AZIN2: variants seen among roughly 807,000 people sequenced by gnomAD.
The protein encoded by AZIN2 is antizyme inhibitor 2, also known as ODC antizyme inhibitor-2.
In AZIN2, 28 loss-of-function variants were observed where a neutral mutation model predicts 47.8. The observed-to-expected ratio is 0.59, with a 90% CI of 0.43 to 0.80. The LOEUF (loss-of-function observed/expected upper bound fraction) is 0.80. Among genes scored for constraint, AZIN2 ranks in the 30% least tolerant of loss-of-function variants. The pLI, the probability that AZIN2 is intolerant of heterozygous loss-of-function variation, is 0.00. For missense variants in AZIN2, 535 were observed against 582.5 expected (o/e 0.92, Z 0.84); for synonymous variants, 221 against 239.4 (o/e 0.92, Z 0.71).
chr1:33,149,610 A>C, the AZIN2 span, among the ~76,000 whole-genome samples: 3 of 151,002 alleles, frequency 2.0e-5, no homozygotes, highest in Non-Finnish European at 2.9e-5. Context: ...ATGCATCACT[A>C]TGCGCAGCTA....
chr1:33,165,584 C>T, the AZIN2 span: 14 of 1,593,734 alleles, frequency 8.8e-6, no homozygotes, highest in Non-Finnish European at 1.2e-5. This position sits in a 1 kb window ranked among gnomAD's most constrained non-coding sequence, Gnocchi z 4.0. Flanking sequence ...ACACACAGGG[C>T]CGGGATGGGG....
the AZIN2 span, chr1:33,164,195 G>A: frequency 2.0e-5 from 3 of 152,284 alleles, no homozygotes; most frequent in African/African-American, 7.2e-5. Flanking sequence ...ACTCTGGAAT[G>A]TTCTGTGAAG....
intron 10 of AZIN2, among the ~76,000 whole-genome samples, chr1:33,102,738 C>A (rs974330955): frequency 3.3e-5 from 5 of 152,146 alleles, no homozygotes; most frequent in African/African-American, 1.2e-4. Flanking sequence ...ACTATCATCA[C>A]TCCCAAATTT....
chr1:33,149,938 C>T, the AZIN2 span, among the ~76,000 whole-genome samples: 1 of 152,208 alleles, frequency 6.6e-6, no homozygotes, highest in African/African-American at 2.4e-5. Flanking sequence ...TCCGGAAAGA[C>T]TCACCAAATT....
intron 9 of AZIN2, among the ~76,000 whole-genome samples, chr1:33,097,685 G>T (rs1483865152): frequency 6.6e-6 from 1 of 152,204 alleles, no homozygotes; most frequent in Non-Finnish European, 1.5e-5. Context: ...TGTCCCGTCT[G>T]ATCCAATCAA....
chr1:33,110,138 T>C (rs1208857215), intron 10 of AZIN2, among the ~76,000 whole-genome samples: 1 of 152,204 alleles, frequency 6.6e-6, no homozygotes. Flanking sequence ...GTTTTGATCT[T>C]GGTAGTGATT....
chr1:33,158,927 G>C, the AZIN2 span, among the ~76,000 whole-genome samples: 177 of 151,662 alleles, frequency 1.2e-3, no homozygotes, highest in African/African-American at 4.1e-3. Context: ...TGCAACCTCT[G>C]CCTCCTGGGT....
At chr1:33,137,764 G>GC in the AZIN2 span, among the ~76,000 whole-genome samples, 1 of 152,164 alleles carries the variant, frequency 6.6e-6, no homozygotes, top group South Asian at 2.1e-4. Flanking sequence ...ATACCTACCT[G>GC]CCCCTGTCCC....
downstream of AZIN2, among the ~76,000 whole-genome samples, chr1:33,128,203 C>CAAA (rs34284839): frequency 1.3e-4 from 11 of 83,684 alleles, no homozygotes; most frequent in African/African-American, 2.6e-4. Context: ...CCCACCTCTC[C>CAAA]AAAAAAAAAA....
intron 9 of AZIN2, 199 bp from the exon 10 acceptor site, chr1:33,097,868 A>AG (rs2124558628): frequency 1.7e-6 from 1 of 587,420 alleles, no homozygotes; most frequent in African/African-American, 1.9e-5. Flanking sequence ...GCTTGGCTGC[A>AG]GGGGTGAGTG....
chr1:33,145,162 C>T, the AZIN2 span, among the ~76,000 whole-genome samples: 3 of 152,070 alleles, frequency 2.0e-5, no homozygotes, highest in Admixed American at 2.0e-4. Flanking sequence ...GACTGACAGC[C>T]TTCCCTGGCT....
chr1:33,120,279 C>T lies in AZIN2; in HGVS notation c.*97C>T. On this transcript the variant is annotated 3_prime_UTR_variant, in exon 12 of 12. Coordinates refer to ENST00000294517, the MANE Select transcript of AZIN2 (RefSeq NM_052998.4). Reference sequence around the variant, plus strand: ...CAGGCAAGGGTACCCTTGGCCAGGACTCTGGTGCCCACCCTGCCACCCCCG... The same window carrying T: ...CAGGCAAGGGTACCCTTGGCCAGGATTCTGGTGCCCACCCTGCCACCCCCG... The T allele has an allele frequency of 6.7e-7, 1 of 1,501,244 alleles. No individual in the cohort carries two copies. Among genetic ancestry groups the T allele is most frequent in the South Asian group, 1.3e-5 (1 of 77,578 alleles). 93.0% of individuals were successfully genotyped at this position (1,501,244 alleles called of 1,614,324 possible).
intron 8 of AZIN2, among the ~76,000 whole-genome samples, chr1:33,096,306 A>G (rs1012589090): frequency 6.6e-6 from 1 of 152,214 alleles, no homozygotes; most frequent in African/African-American, 2.4e-5. Context: ...TCAGGGTGGC[A>G]GAGGCAGAAG....
At chr1:33,165,254 T>C in the AZIN2 span, 1 of 484,568 alleles carries the variant, frequency 2.1e-6, no homozygotes, top group Non-Finnish European at 3.7e-6. The surrounding 1 kb of genome is among the most constrained non-coding windows in gnomAD (Gnocchi z 4.0). Context: ...GCCCACATCC[T>C]TGCCGCCAGT....
the AZIN2 span, among the ~76,000 whole-genome samples, chr1:33,141,335 GC>G: frequency 6.6e-6 from 1 of 152,120 alleles, no homozygotes; most frequent in African/African-American, 2.4e-5. Context: ...CTGGGCTGGG[GC>G]CCTCTCAGTT....
chr1:33,099,574 A>T (rs1643493198), intron 10 of AZIN2, among the ~76,000 whole-genome samples: 1 of 150,986 alleles, frequency 6.6e-6, no homozygotes, highest in African/African-American at 2.4e-5. Context: ...CACCCACTCC[A>T]CTCCCTTCAT....
chr1:33,165,358 C>G, the AZIN2 span: 4 of 1,016,884 alleles, frequency 3.9e-6, no homozygotes, highest in Non-Finnish European at 5.6e-6. This position sits in a 1 kb window ranked among gnomAD's most constrained non-coding sequence, Gnocchi z 4.0. Context: ...CTCCTTGAAG[C>G]CAGGTTTCCA....
chr1:33,144,106 T>G, the AZIN2 span, among the ~76,000 whole-genome samples: 2 of 151,238 alleles, frequency 1.3e-5, no homozygotes, highest in African/African-American at 4.9e-5. Context: ...ATGCAAACGT[T>G]GATATATGAT....
At chr1:33,151,809 C>T in the AZIN2 span, among the ~76,000 whole-genome samples, 139,941 of 152,266 alleles carry the variant, frequency 0.92, 65,037 homozygotes, top group Non-Finnish European at 0.99. Flanking sequence ...AGATGTTTCC[C>T]GGCCACCACT....
Sources: allele counts gnomAD v4.1 joint callset (sites outside exome capture counted in the v4.1 genomes callset), GRCh38; gene constraint gnomAD v4.1.1; non-coding constraint Gnocchi (gnomAD v3.1); transcripts MANE v1.5; gene names NCBI Gene and HGNC (gene_info 2026-07-23, HGNC 2026-07-21).